Variants in SORCS1 observed in about 807,000 individuals in gnomAD.
SORCS1 encodes the protein VPS10 domain-containing receptor SorCS1.
SORCS1 carries 60 observed loss-of-function variants against 146.1 expected under a neutral mutation model. That is an observed-to-expected ratio of 0.41 (90% CI 0.33 to 0.51). The LOEUF (loss-of-function observed/expected upper bound fraction) is 0.51, where lower values mean the gene tolerates loss of function less well. Ranked by LOEUF, SORCS1 falls within the 20% of genes least tolerant of loss-of-function variation. The pLI is 0.21. For missense variants in SORCS1, 1,352 were observed against 1,487.6 expected (o/e 0.91, Z 1.50); for synonymous variants, 637 against 584.0 (o/e 1.09, Z -1.31).
intron 9 of SORCS1, among the ~76,000 whole-genome samples, chr10:106,697,801 G>A (rs749929062): frequency 6.6e-6 from 1 of 152,132 alleles, no homozygotes; most frequent in Non-Finnish European, 1.5e-5. Flanking sequence ...ATACATACAA[G>A]TGGCATCGCT....
intron 1 of SORCS1, among the ~76,000 whole-genome samples, chr10:107,089,277 C>T (rs1278517509): frequency 1.3e-5 from 2 of 151,998 alleles, no homozygotes; most frequent in Non-Finnish European, 2.9e-5. Context: ...AATAGTAAAG[C>T]TCATATTACT....
At chr10:106,872,879 A>G (rs975696622) in intron 2 of SORCS1, among the ~76,000 whole-genome samples, 1 of 152,222 alleles carries the variant, frequency 6.6e-6, no homozygotes, top group African/African-American at 2.4e-5. Flanking sequence ...TCTTAAAATT[A>G]ACATAATTTC....
chr10:106,912,826 A>C (rs889739581), intron 2 of SORCS1, among the ~76,000 whole-genome samples: 11 of 151,858 alleles, frequency 7.2e-5, no homozygotes, highest in African/African-American at 2.7e-4. Context: ...CTACAGGCGC[A>C]CACCACCATG....
intron 24 of SORCS1, among the ~76,000 whole-genome samples, chr10:106,591,387 T>G (rs1026353933): frequency 2.6e-5 from 4 of 152,196 alleles, no homozygotes; most frequent in Non-Finnish European, 2.9e-5. Context: ...ATTCCCTAGA[T>G]GCTTATTGTG....
At chr10:107,026,609 T>C (rs7099799) in intron 1 of SORCS1, among the ~76,000 whole-genome samples, 14,506 of 146,596 alleles carry the variant, frequency 0.099, 1,568 homozygotes, top group African/African-American at 0.28. Flanking sequence ...CAGAGTGAGA[T>C]GCCATCAAAA....
chr10:106,784,041 G>A (rs927238008), intron 3 of SORCS1, among the ~76,000 whole-genome samples: 7 of 152,022 alleles, frequency 4.6e-5, no homozygotes, highest in African/African-American at 1.7e-4. Context: ...TATCATATGA[G>A]GTGACAGTGC....
intron 3 of SORCS1, among the ~76,000 whole-genome samples, chr10:106,811,906 C>G (rs1833054722): frequency 6.6e-6 from 1 of 152,184 alleles, no homozygotes; most frequent in African/African-American, 2.4e-5. Flanking sequence ...TTACCAGCTA[C>G]ATGACCTGGA....
chr10:107,036,803 A>G (rs1012239430), intron 1 of SORCS1, among the ~76,000 whole-genome samples: 3 of 152,284 alleles, frequency 2.0e-5, no homozygotes, highest in Admixed American at 2.0e-4. Context: ...CCCAACTCTC[A>G]TTTGAGTGAA....
chr10:106,928,144 C>G (rs12356519), intron 2 of SORCS1, among the ~76,000 whole-genome samples: 68,564 of 152,158 alleles, frequency 0.45, 17,297 homozygotes, highest in Non-Finnish European at 0.57. Context: ...GACTGGGCGC[C>G]GTGGAGCAGG....
At chr10:106,924,198 G>A (rs1348023627) in intron 2 of SORCS1, among the ~76,000 whole-genome samples, 1 of 150,688 alleles carries the variant, frequency 6.6e-6, no homozygotes, top group Non-Finnish European at 1.5e-5. Flanking sequence ...AGGTTGCAGT[G>A]AGCCGAAATC....
intron 2 of SORCS1, among the ~76,000 whole-genome samples, chr10:106,906,809 T>G (rs1951927825): frequency 6.6e-6 from 1 of 152,172 alleles, no homozygotes; most frequent in Non-Finnish European, 1.5e-5. Context: ...AATGTTCTGC[T>G]TGGATTCCAA....
intron 2 of SORCS1, among the ~76,000 whole-genome samples, chr10:106,843,956 A>G (rs1313250538): frequency 6.6e-6 from 1 of 152,120 alleles, no homozygotes; most frequent in Non-Finnish European, 1.5e-5. Context: ...GCATATTTAA[A>G]CTTTTAGGAG....
chr10:106,940,376 G>A (rs948201313), intron 2 of SORCS1, among the ~76,000 whole-genome samples: 3 of 152,136 alleles, frequency 2.0e-5, no homozygotes, highest in African/African-American at 7.2e-5. Flanking sequence ...ATACTACTAT[G>A]CACCAAGGTC....
At chr10:106,806,384 A>AAAAT (rs1314784925) in intron 3 of SORCS1, among the ~76,000 whole-genome samples, 10 of 139,718 alleles carry the variant, frequency 7.2e-5, no homozygotes, top group Non-Finnish European at 9.2e-5. Flanking sequence ...AAAATAAAAT[A>AAAAT]AAAATAAAAT....
chr10:106,866,339 G>C (rs1207303850), intron 2 of SORCS1, among the ~76,000 whole-genome samples: 1 of 152,144 alleles, frequency 6.6e-6, no homozygotes, highest in African/African-American at 2.4e-5. Flanking sequence ...TTACCAGACA[G>C]GGAACCTGCA....
At position 106,672,869 on chromosome 10, in the gene SORCS1, T is replaced by C. The variant is rs752590549; in HGVS notation, c.2057A>G (p.Gln686Arg). The C allele has an allele frequency of 2.7e-5, 43 of 1,613,218 alleles. No homozygotes were observed. The highest frequency in any genetic ancestry group is 5.5e-5 in the South Asian group (5 of 91,064). ...TAGTCTCAGTTCTTTTCCTCCTACCTGGCTGTGCAGCTGCCAAGGTCTGTA... is the reference window on the plus strand; with the variant it reads ...TAGTCTCAGTTCTTTTCCTCCTACCCGGCTGTGCAGCTGCCAAGGTCTGTA... ...EDYRPWQLHS[Q>R]GEACIMGAKR... The change falls in exon 15 of 26, where the codon CAG becomes CGG. Residue 686 changes from glutamine (Q) to arginine (R), a missense_variant and splice_region_variant. Coordinates refer to ENST00000263054, the MANE Select transcript of SORCS1 (RefSeq NM_052918.5).
intron 1 of SORCS1, among the ~76,000 whole-genome samples, chr10:106,963,613 C>T (rs1050326088): frequency 6.6e-6 from 1 of 151,898 alleles, no homozygotes; most frequent in South Asian, 2.1e-4. Context: ...TCTGATACAA[C>T]TTATGGGCAT....
At chr10:107,135,937 A>G (rs1967260970) in intron 1 of SORCS1, among the ~76,000 whole-genome samples, 1 of 152,224 alleles carries the variant, frequency 6.6e-6, no homozygotes, top group African/African-American at 2.4e-5. Context: ...GGAAGAAAAT[A>G]CAGATATTAC....
At chr10:107,044,475 T>C (rs1590005131) in intron 1 of SORCS1, among the ~76,000 whole-genome samples, 1 of 76,178 alleles carries the variant, frequency 1.3e-5, no homozygotes, top group Non-Finnish European at 2.7e-5. Flanking sequence ...AAATAAGAAA[T>C]AGGTCCTGCA....
Sources: gnomAD v4.1 joint callset for allele counts (sites outside exome capture counted in the v4.1 genomes callset) on GRCh38, gnomAD v4.1.1 for gene constraint, MANE v1.5 for transcripts, NCBI Gene and HGNC (gene_info 2026-07-23, HGNC 2026-07-21) for gene names.